NHERF4: variants seen among roughly 807,000 people sequenced by gnomAD.
NHERF4 encodes Na(+)/H(+) exchange regulatory cofactor NHE-RF4.
chr11:119,186,253 C>G, the NHERF4 span: 1 of 1,613,522 alleles, frequency 6.2e-7, no homozygotes, highest in Non-Finnish European at 8.5e-7. The surrounding 1 kb of genome is among the most constrained non-coding windows in gnomAD (Gnocchi z 4.4). Flanking sequence ...TAACCACTCA[C>G]TCGGTCTCCC....
At chr11:119,186,647 T>G in the NHERF4 span, 1 of 1,612,002 alleles carries the variant, frequency 6.2e-7, no homozygotes, top group African/African-American at 1.3e-5. The surrounding 1 kb of genome is among the most constrained non-coding windows in gnomAD (Gnocchi z 4.4). Flanking sequence ...GACAGGATCC[T>G]GGCGGTGAAC....
chr11:119,185,853 T>C, the NHERF4 span: 24 of 1,604,406 alleles, frequency 1.5e-5, no homozygotes, highest in African/African-American at 2.3e-4. Flanking sequence ...TTTTAGTTTA[T>C]GCCAATGGAA....
the NHERF4 span, chr11:119,189,324 T>C: frequency 6.7e-7 from 1 of 1,489,540 alleles, no homozygotes; most frequent in Non-Finnish European, 9.3e-7. The surrounding 1 kb of genome is among the most constrained non-coding windows in gnomAD (Gnocchi z 5.8). Flanking sequence ...AGGTTGGGAC[T>C]TCAGGTCGTG....
At chr11:119,186,131 T>C in the NHERF4 span, 44 of 1,614,002 alleles carry the variant, frequency 2.7e-5, no homozygotes, top group Non-Finnish European at 3.7e-5. This position sits in a 1 kb window ranked among gnomAD's most constrained non-coding sequence, Gnocchi z 4.4. Flanking sequence ...TTGATAATCC[T>C]GTCCTCTCCC....
chr11:119,186,255 C>T, the NHERF4 span: 3,443 of 1,613,450 alleles, frequency 2.1e-3, 57 homozygotes, highest in African/African-American at 0.04. This position sits in a 1 kb window ranked among gnomAD's most constrained non-coding sequence, Gnocchi z 4.4. Context: ...ACCACTCACT[C>T]GGTCTCCCTC....
the NHERF4 span, chr11:119,187,454 C>A: frequency 1.8e-3 from 2,875 of 1,613,870 alleles, 56 homozygotes; most frequent in African/African-American, 0.032. Context: ...TTCAGTGTCA[C>A]CCATGGTGAG....
the NHERF4 span, chr11:119,188,831 TTG>T: frequency 6.2e-7 from 1 of 1,614,192 alleles, no homozygotes; most frequent in Non-Finnish European, 8.5e-7. Context: ...TCCGACTCAG[TTG>T]TGTGGCCAGT....
chr11:119,188,271 C>T, the NHERF4 span: 39 of 1,580,908 alleles, frequency 2.5e-5, no homozygotes, highest in Admixed American at 2.7e-4. Context: ...CGCCTCTTCC[C>T]GTTCACTCTG....
At chr11:119,186,159 C>G in the NHERF4 span, 2 of 1,614,124 alleles carry the variant, frequency 1.2e-6, no homozygotes, top group Non-Finnish European at 8.5e-7. The surrounding 1 kb of genome is among the most constrained non-coding windows in gnomAD (Gnocchi z 4.4). Flanking sequence ...AGACCACGAC[C>G]CCTATGGTAA....
the NHERF4 span, chr11:119,187,429 G>A: frequency 1.1e-5 from 18 of 1,614,148 alleles, no homozygotes; most frequent in Non-Finnish European, 1.4e-5. Context: ...AGTGAAAGAT[G>A]AGGGTGGTTT....
chr11:119,185,848 G>C, the NHERF4 span: 1 of 1,600,778 alleles, frequency 6.2e-7, no homozygotes, highest in African/African-American at 1.3e-5. Context: ...AGTCCTTTTA[G>C]TTTATGCCAA....
At chr11:119,186,684 T>C in the NHERF4 span, 6 of 1,602,908 alleles carry the variant, frequency 3.7e-6, no homozygotes, top group African/African-American at 2.7e-5. This position sits in a 1 kb window ranked among gnomAD's most constrained non-coding sequence, Gnocchi z 4.4. Flanking sequence ...ACGAAGACTA[T>C]GCGGTGGTAA....
At chr11:119,187,859 T>C in the NHERF4 span, 1 of 1,470,384 alleles carries the variant, frequency 6.8e-7, no homozygotes. Flanking sequence ...ACTTAGTGCC[T>C]GGGAGGAGGG....
the NHERF4 span, chr11:119,185,892 TCTC>T: frequency 6.8e-6 from 11 of 1,613,862 alleles, no homozygotes; most frequent in African/African-American, 6.7e-5. Context: ...AGAATGTGAC[TCTC>T]CTCCTCTCAC....
the NHERF4 span, chr11:119,188,921 G>A: frequency 6.2e-7 from 1 of 1,611,060 alleles, no homozygotes; most frequent in Non-Finnish European, 8.5e-7. Flanking sequence ...TGCCTGATCG[G>A]TCTTCCTCTG....
At chr11:119,189,786 T>C in the NHERF4 span, 1 of 510,336 alleles carries the variant, frequency 2.0e-6, no homozygotes, top group Non-Finnish European at 3.6e-6. The surrounding 1 kb of genome is among the most constrained non-coding windows in gnomAD (Gnocchi z 5.8). Context: ...CTGGCTAGGA[T>C]TGAAGCCATC....
the NHERF4 span, chr11:119,189,151 G>A: frequency 6.2e-7 from 1 of 1,613,704 alleles, no homozygotes. This position sits in a 1 kb window ranked among gnomAD's most constrained non-coding sequence, Gnocchi z 5.8. Context: ...GCCTGAAGCT[G>A]GCAGCCAGGT....
At chr11:119,188,694 C>G in the NHERF4 span, 2 of 1,614,148 alleles carry the variant, frequency 1.2e-6, no homozygotes, top group Non-Finnish European at 8.5e-7. Flanking sequence ...CGCCTCGCCC[C>G]GGGGCAGCAG....
chr11:119,186,003 AAGCGCTTC>A, the NHERF4 span: 1 of 1,614,030 alleles, frequency 6.2e-7, no homozygotes, highest in Non-Finnish European at 8.5e-7. The surrounding 1 kb of genome is among the most constrained non-coding windows in gnomAD (Gnocchi z 4.4). Flanking sequence ...GGAGGCAGCG[AAGCGCTTC>A]ACTGCCATTA....
Sources: gnomAD v4.1 joint callset for allele counts on GRCh38, gnomAD v4.1.1 for gene constraint, Gnocchi (gnomAD v3.1) non-coding constraint, MANE v1.5 for transcripts, NCBI Gene and HGNC (gene_info 2026-07-23, HGNC 2026-07-21) for gene names.